PRRG4: variants seen among roughly 807,000 people sequenced by gnomAD.
PRRG4 encodes transmembrane gamma-carboxyglutamic acid protein 4.
Under a neutral mutation model 20.0 loss-of-function variants are expected in PRRG4, and 12 were observed. That is an observed-to-expected ratio of 0.60 (90% CI 0.38 to 0.97). The LOEUF (loss-of-function observed/expected upper bound fraction) is 0.97, where lower values mean the gene tolerates loss of function less well. Among genes scored for constraint, PRRG4 ranks in the 50% least tolerant of loss-of-function variants. The pLI is 0.00. For missense variants in PRRG4, 199 were observed against 265.1 expected, an observed-to-expected ratio of 0.75 and a Z score of 1.73; for synonymous variants, 94 against 96.4, an observed-to-expected ratio of 0.98 and a Z score of 0.15.
chr11:32,837,180 G>C (rs1464628525), intron 3 of PRRG4, among the ~76,000 whole-genome samples: 1 of 152,062 alleles, frequency 6.6e-6, no homozygotes, highest in Non-Finnish European at 1.5e-5. Context: ...TTTATGGTTA[G>C]TGCTCTAACT....
At chr11:32,836,929 TAC>T in intron 3 of PRRG4, 108 bp downstream of exon 3, 1 of 837,858 alleles carries the variant, frequency 1.2e-6, no homozygotes, top group Non-Finnish European at 1.9e-6. Context: ...CAGGATTATG[TAC>T]CTGCTATCTC....
intron 5 of PRRG4, among the ~76,000 whole-genome samples, chr11:32,850,177 G>A (rs900669821): frequency 7.9e-5 from 12 of 152,138 alleles, no homozygotes; most frequent in Non-Finnish European, 1.8e-4. Context: ...TTCACTCAAT[G>A]ACTGTGAATA....
Position 32,840,571 on chromosome 11 carries a change from A to G in PRRG4, c.449+332A>G, listed in dbSNP as rs1851068036. ...TTCTGCTGCAGGATCCAGTCAAGTTACCACATTGCATTTAGCTGTCATGTC... is the reference window on the plus strand; with the variant it reads ...TTCTGCTGCAGGATCCAGTCAAGTTGCCACATTGCATTTAGCTGTCATGTC... On this transcript the variant is annotated intron_variant, in intron 5 of 5. Transcript: ENST00000257836. This position sits in a 1 kb window ranked among gnomAD's most constrained non-coding sequence, Gnocchi z 4.1. 6.6e-6 allele frequency among the ~76,000 whole-genome samples: 1 copy of G among 152,220 alleles called. No individual in the cohort carries two copies. Among genetic ancestry groups the G allele is most frequent in the African/African-American group, 2.4e-5 (1 of 41,468 alleles).
intron 1 of PRRG4, 46 bp from the exon 2 acceptor site, chr11:32,830,462 G>C (rs1193788158): frequency 1.5e-6 from 2 of 1,324,150 alleles, no homozygotes; most frequent in East Asian, 5.2e-5. Context: ...TCAAAGTGCT[G>C]AGCTAGGGGC....
chr11:32,853,878 G>A lies in PRRG4; in HGVS notation c.*351G>A. 3.3e-5 allele frequency: 6 copies of A among 181,772 alleles called. No homozygotes were observed. Among genetic ancestry groups the A allele is most frequent in the Non-Finnish European group, 5.8e-5 (5 of 85,660 alleles). 11.3% of individuals were successfully genotyped at this position (181,772 alleles called of 1,614,324 possible). A position where few individuals can be genotyped will look rare whatever the true frequency, so the allele number is the denominator to read the frequency against. On this transcript the variant is annotated 3_prime_UTR_variant, in exon 6 of 6. Transcript: ENST00000257836. ...AGAAAAGAAGAAGAAAAGAGAAGAA[G>A]GAGAAGGAGATGAAGGAGGAGGAGG...
At chr11:32,836,931 C>A in intron 3 of PRRG4, 110 bp downstream of exon 3, 1 of 800,720 alleles carries the variant, frequency 1.2e-6, no homozygotes, top group Non-Finnish European at 2.0e-6. Flanking sequence ...GGATTATGTA[C>A]CTGCTATCTC....
chr11:32,834,001 A>C (rs914797917), intron 2 of PRRG4, among the ~76,000 whole-genome samples: 6 of 152,174 alleles, frequency 3.9e-5, no homozygotes, highest in Non-Finnish European at 7.3e-5. Flanking sequence ...GTAAGTACAA[A>C]GGCCAGAGAG....
chr11:32,834,564 T>C (rs1851002781), intron 2 of PRRG4, among the ~76,000 whole-genome samples: 1 of 152,144 alleles, frequency 6.6e-6, no homozygotes, highest in Non-Finnish European at 1.5e-5. Context: ...CAAAATATAA[T>C]GTGAACTACA....
chr11:32,849,621 G>A (rs1325558139), intron 5 of PRRG4, among the ~76,000 whole-genome samples: 2 of 152,096 alleles, frequency 1.3e-5, no homozygotes, highest in Non-Finnish European at 2.9e-5. Flanking sequence ...CCCAGATTGC[G>A]CTTCTGTACT....
chr11:32,833,752 G>A (rs180979013), intron 2 of PRRG4, among the ~76,000 whole-genome samples: 20 of 152,202 alleles, frequency 1.3e-4, no homozygotes, highest in Admixed American at 1.2e-3. Flanking sequence ...ACCTCTTATG[G>A]GCCAAGAACC....
chr11:32,830,462 G>A, intron 1 of PRRG4, 46 bp from the exon 2 acceptor site: 1 of 1,324,264 alleles, frequency 7.6e-7, no homozygotes, highest in Non-Finnish European at 1.0e-6. Flanking sequence ...TCAAAGTGCT[G>A]AGCTAGGGGC....
At chr11:32,846,216 C>T (rs1158383792) in intron 5 of PRRG4, among the ~76,000 whole-genome samples, 1 of 152,032 alleles carries the variant, frequency 6.6e-6, no homozygotes, top group Non-Finnish European at 1.5e-5. Context: ...CACTATGTTG[C>T]CCAGGCTGAT....
At chr11:32,832,348 A>C (rs912576904) in intron 2 of PRRG4, among the ~76,000 whole-genome samples, 3 of 152,204 alleles carry the variant, frequency 2.0e-5, no homozygotes, top group Admixed American at 2.0e-4. Flanking sequence ...GAGCAGAGGA[A>C]AGAGTGAGTA....
At position 32,854,559 on chromosome 11, in the gene PRRG4, A is replaced by T. The variant is rs1349027455; in HGVS notation, c.*1032A>T. 1 of 44,202 alleles carries T rather than the reference A, an allele frequency of 2.3e-5. No homozygotes were observed. Among genetic ancestry groups the T allele is most frequent in the Non-Finnish European group, 4.8e-5 (1 of 20,666 alleles). The allele number at this position is 44,202 out of a possible 1,614,324, so 2.7% of individuals were successfully genotyped here. On this transcript the variant is annotated 3_prime_UTR_variant, in exon 6 of 6. Transcript: ENST00000257836. ...GGCGACAGAGTGAGACTCCATCTCA[A>T]AAAAAAAAAAAAAAAAAAAGATTAT...
intron 2 of PRRG4, among the ~76,000 whole-genome samples, chr11:32,831,209 C>G (rs1850967822): frequency 6.6e-6 from 1 of 152,088 alleles, no homozygotes; most frequent in African/African-American, 2.4e-5. Context: ...TTTTAGGTTT[C>G]AGATCATTAA....
In PRRG4 at chr11:32,840,975, G is replaced by A. The variant is rs1029683872; in HGVS notation, c.449+736G>A. On this transcript the variant is annotated intron_variant, in intron 5 of 5. Coordinates refer to ENST00000257836, the MANE Select transcript of PRRG4 (RefSeq NM_024081.6). This position sits in a 1 kb window ranked among gnomAD's most constrained non-coding sequence, Gnocchi z 4.1. ...AGAAAGATTCATAAAGGCCATAATTGTTTGCATAATAGAAGCTCAGCATCC... is the reference window on the plus strand; with the variant it reads ...AGAAAGATTCATAAAGGCCATAATTATTTGCATAATAGAAGCTCAGCATCC... Among the ~76,000 whole-genome samples, 11 of 151,608 alleles carry A rather than the reference G, an allele frequency of 7.3e-5. No individual in the cohort carries two copies. The highest frequency in any genetic ancestry group is 2.2e-4 in the African/African-American group (9 of 41,244).
intron 5 of PRRG4, among the ~76,000 whole-genome samples, chr11:32,846,826 C>T (rs1196368864): frequency 3.3e-5 from 5 of 151,932 alleles, no homozygotes; most frequent in African/African-American, 9.7e-5. Context: ...GGTGAAACCC[C>T]GTGTCTACTA....
At chr11:32,850,110 T>A (rs564694728) in intron 5 of PRRG4, among the ~76,000 whole-genome samples, 3 of 152,364 alleles carry the variant, frequency 2.0e-5, no homozygotes, top group Non-Finnish European at 2.9e-5. Context: ...TTCTTCTTTT[T>A]CACCTCATTC....
chr11:32,848,401 T>C (rs894483432), intron 5 of PRRG4, among the ~76,000 whole-genome samples: 1 of 152,034 alleles, frequency 6.6e-6, no homozygotes, highest in Non-Finnish European at 1.5e-5. Context: ...ATTCAAATCA[T>C]AGCAAGGGGA....
Sources: allele counts gnomAD v4.1 joint callset (sites outside exome capture counted in the v4.1 genomes callset), GRCh38; gene constraint gnomAD v4.1.1; non-coding constraint Gnocchi (gnomAD v3.1); transcripts MANE v1.5; gene names NCBI Gene and HGNC (gene_info 2026-07-23, HGNC 2026-07-21).